TMPRSS15: variants seen among roughly 807,000 people sequenced by gnomAD.
TMPRSS15 encodes the protein transmembrane serine protease 15, also known as enteropeptidase.
TMPRSS15 carries 128 observed loss-of-function variants against 125.3 expected under a neutral mutation model. The ratio of observed to expected loss-of-function variants is 1.02; its 90% CI spans 0.89 to 1.18. The LOEUF is 1.18. Ranked by LOEUF, TMPRSS15 falls within the 50% of genes most tolerant of loss-of-function variation. The probability of loss-of-function intolerance (pLI) is 0.00; values close to 1 mark genes in which losing one functional copy is unlikely to be tolerated. For missense variants in TMPRSS15, 1,283 were observed against 1,212.7 expected, an observed-to-expected ratio of 1.06 and a Z score of -0.86; for synonymous variants, 446 against 423.2, an observed-to-expected ratio of 1.05 and a Z score of -0.66.
chr21:18,436,055 A>G (rs1378083091), intron 1 of TMPRSS15, among the ~76,000 whole-genome samples: 3 of 149,736 alleles, frequency 2.0e-5, no homozygotes, highest in Non-Finnish European at 4.5e-5. Context: ...GCGGTCTATC[A>G]ATTTTGTTGA....
At chr21:18,462,925 T>C (rs2122953526) in intron 1 of TMPRSS15, among the ~76,000 whole-genome samples, 18 of 152,114 alleles carry the variant, frequency 1.2e-4, no homozygotes, top group African/African-American at 4.1e-4. Flanking sequence ...AGAAAAGAAT[T>C]TTCAATCCAG....
At chr21:18,473,864 G>T (rs1251545395) in intron 1 of TMPRSS15, among the ~76,000 whole-genome samples, 1 of 151,974 alleles carries the variant, frequency 6.6e-6, no homozygotes, top group African/African-American at 2.4e-5. Flanking sequence ...TCTCATTAAT[G>T]AACAGGAAAA....
intron 8 of TMPRSS15, among the ~76,000 whole-genome samples, chr21:18,358,582 C>A (rs7277098): frequency 0.59 from 88,763 of 151,546 alleles, 26,381 homozygotes; most frequent in East Asian, 0.86. Flanking sequence ...TATATATACT[C>A]ATTATGATAT....
chr21:18,320,652 T>C (rs903673585), intron 16 of TMPRSS15, among the ~76,000 whole-genome samples: 1 of 152,204 alleles, frequency 6.6e-6, no homozygotes, highest in Admixed American at 6.5e-5. Context: ...ATAAGCTGAA[T>C]GAACTGGATG....
At chr21:18,394,356 G>A (rs2076014962) in intron 3 of TMPRSS15, among the ~76,000 whole-genome samples, 1 of 151,838 alleles carries the variant, frequency 6.6e-6, no homozygotes, top group Non-Finnish European at 1.5e-5. Flanking sequence ...GAAACTACAA[G>A]GTAACTTAGT....
intron 1 of TMPRSS15, among the ~76,000 whole-genome samples, chr21:18,448,411 C>T (rs923183076): frequency 6.6e-6 from 1 of 152,064 alleles, no homozygotes; most frequent in South Asian, 2.1e-4. Context: ...CATGGGCTAA[C>T]TAAGGAAACT....
At position 18,403,688 on chromosome 21, in the gene TMPRSS15, GAGAAAA is replaced by G; in HGVS notation, c.-72_-67del. 1 of 1,600,022 alleles carries G rather than the reference GAGAAAA, an allele frequency of 6.2e-7. No individual in the cohort carries two copies. Among genetic ancestry groups the G allele is most frequent in the Non-Finnish European group, 8.5e-7 (1 of 1,169,928 alleles). ...AATATAAATAATTCTACCAACTGAA[GAGAAAA>G]ATCTCTCAAATTTTTAAAGATGTGT... On this transcript the variant is annotated 5_prime_UTR_variant, in exon 1 of 25. Coordinates refer to ENST00000284885, the MANE Select transcript of TMPRSS15 (RefSeq NM_002772.3).
chr21:18,280,075 A>G (rs781138886), intron 22 of TMPRSS15, among the ~76,000 whole-genome samples: 3 of 152,262 alleles, frequency 2.0e-5, no homozygotes, highest in Non-Finnish European at 2.9e-5. Context: ...TAATGCATGT[A>G]TAAATCAAAC....
chr21:18,312,855 T>C, intron 18 of TMPRSS15, 90 bp downstream of exon 18: 2 of 1,510,528 alleles, frequency 1.3e-6, no homozygotes, highest in Admixed American at 1.9e-5. Flanking sequence ...TTCATAACTT[T>C]ATAAATTTTA....
At chr21:18,390,093 A>G (rs1474298654) in intron 3 of TMPRSS15, among the ~76,000 whole-genome samples, 1 of 152,148 alleles carries the variant, frequency 6.6e-6, no homozygotes. Context: ...TCTTTATCCG[A>G]AATGGCTTTC....
intron 1 of TMPRSS15, among the ~76,000 whole-genome samples, chr21:18,427,854 G>GT (rs5842692): frequency 1 from 152,279 of 152,286 alleles, 76,136 homozygotes; most frequent in Middle Eastern, 1. Flanking sequence ...GCTTTGATAA[G>GT]TCTTATTTCT....
At chr21:18,279,481 A>G (rs143005666) in intron 22 of TMPRSS15, among the ~76,000 whole-genome samples, 3,481 of 147,314 alleles carry the variant, frequency 0.024, 133 homozygotes, top group African/African-American at 0.08. Context: ...GCCCGCCACC[A>G]CGCCTGGCTA....
At chr21:18,478,221 C>G (rs1323156892) in intron 1 of TMPRSS15, among the ~76,000 whole-genome samples, 1 of 151,852 alleles carries the variant, frequency 6.6e-6, no homozygotes, top group Non-Finnish European at 1.5e-5. Context: ...GTCATGTTTC[C>G]TTTTTAGTAC....
chr21:18,443,811 C>G (rs2076248528), intron 1 of TMPRSS15, among the ~76,000 whole-genome samples: 1 of 152,216 alleles, frequency 6.6e-6, no homozygotes, highest in African/African-American at 2.4e-5. Context: ...GGTAGACAAG[C>G]AGGCAATGCT....
chr21:18,276,160 C>T (rs1036562310), intron 23 of TMPRSS15, among the ~76,000 whole-genome samples: 1 of 152,190 alleles, frequency 6.6e-6, no homozygotes, highest in African/African-American at 2.4e-5. Context: ...AAATTTAATT[C>T]ATGCACTAAA....
At chr21:18,280,593 A>AAAAAAAAAAAAAAAAAAAAAAAC (rs1267521488) in intron 22 of TMPRSS15, among the ~76,000 whole-genome samples, 2 of 143,596 alleles carry the variant, frequency 1.4e-5, no homozygotes, top group African/African-American at 5.6e-5. Context: ...AAAAAAAAAA[A>AAAAAAAAAAAAAAAAAAAAAAAC]AACAACAAAA....
chr21:18,291,831 T>A (rs1176431593), intron 21 of TMPRSS15, among the ~76,000 whole-genome samples: 1 of 152,194 alleles, frequency 6.6e-6, no homozygotes, highest in African/African-American at 2.4e-5. Context: ...TTTATCAGAA[T>A]TCTAGTACAA....
At chr21:18,362,168 G>A (rs768087533) in intron 7 of TMPRSS15, among the ~76,000 whole-genome samples, 2 of 152,160 alleles carry the variant, frequency 1.3e-5, no homozygotes, top group African/African-American at 2.4e-5. Context: ...GTAAAGCTAA[G>A]TTTGAAGCTG....
intron 1 of TMPRSS15, among the ~76,000 whole-genome samples, chr21:18,409,185 G>A (rs1323349703): frequency 6.6e-6 from 1 of 151,238 alleles, no homozygotes; most frequent in Non-Finnish European, 1.5e-5. Flanking sequence ...GAACATAATT[G>A]TGCCAATGTA....
Sources: gnomAD v4.1 joint callset for allele counts (sites outside exome capture counted in the v4.1 genomes callset) on GRCh38, gnomAD v4.1.1 for gene constraint, MANE v1.5 for transcripts, NCBI Gene and HGNC (gene_info 2026-07-23, HGNC 2026-07-21) for gene names.